Variants in PDIA3 observed in about 807,000 individuals in gnomAD.
PDIA3 encodes protein disulfide-isomerase A3.
A neutral mutation model predicts 56.9 loss-of-function variants in PDIA3; 16 were observed. The observed-to-expected ratio is 0.28, with a 90% confidence interval of 0.19 to 0.43. The LOEUF is 0.43. PDIA3 is among the 20% of genes least tolerant of loss of function. PDIA3 has a pLI of 1.00. For missense variants in PDIA3, 485 were observed against 621.3 expected (o/e 0.78, Z 2.33); for synonymous variants, 192 against 216.5 (o/e 0.89, Z 0.99).
rs149089784 is a variant in PDIA3, at chr15:43,765,565, A to G, written c.718A>G (p.Ile240Val). The G allele has an allele frequency of 9.4e-6, 14 of 1,496,398 alleles. No homozygotes were observed. Among genetic ancestry groups the G allele is most frequent in the Admixed American group, 3.4e-5 (2 of 59,138 alleles). 92.7% of individuals were successfully genotyped at this position (1,496,398 alleles called of 1,614,324 possible). Residue 240 changes from isoleucine to valine, a missense_variant and splice_region_variant, in exon 6 of 13, where the codon ATT becomes GTT. Ile to Val is a conservative substitution (Grantham distance 29). Coordinates refer to ENST00000300289, the MANE Select transcript of PDIA3 (RefSeq NM_005313.5). ...AATTAAAAAGTTTATCCAGGAAAAC[A>G]TGTGAGTACTTCTTTGTATCTTGTC... Reference protein sequence around the residue: ...GKIKKFIQENIFGICPHMTED... With the variant: ...GKIKKFIQENVFGICPHMTED...
chr15:43,767,643 A>T (rs1336839790), intron 8 of PDIA3, among the ~76,000 whole-genome samples: 1 of 151,014 alleles, frequency 6.6e-6, no homozygotes, highest in Non-Finnish European at 1.5e-5. Context: ...GACGGTGCGC[A>T]CCTGTAATTC....
intron 3 of PDIA3, among the ~76,000 whole-genome samples, chr15:43,759,024 C>T (rs956423255): frequency 1.3e-5 from 2 of 152,062 alleles, no homozygotes; most frequent in Admixed American, 6.6e-5. Flanking sequence ...GGCGTGGTGG[C>T]TCACGTCTGT....
intron 5 of PDIA3, 59 bp from the exon 6 acceptor site, chr15:43,765,391 A>T: frequency 1.1e-6 from 1 of 947,612 alleles, no homozygotes; most frequent in Non-Finnish European, 1.7e-6. Flanking sequence ...AAAAAAAAAA[A>T]GATGGGAGAC....
chr15:43,754,469 A>G (rs184559011), intron 2 of PDIA3, among the ~76,000 whole-genome samples: 72 of 151,994 alleles, frequency 4.7e-4, no homozygotes, highest in Admixed American at 1.7e-3. Context: ...TAGACCAGGT[A>G]TGGTGCCTCA....
chr15:43,757,284 T>C (rs1326945809), intron 3 of PDIA3, among the ~76,000 whole-genome samples: 6 of 151,600 alleles, frequency 4.0e-5, no homozygotes, highest in African/African-American at 1.5e-4. Flanking sequence ...CGGGGCCGGG[T>C]GCGGTGGCTC....
chr15:43,761,861 G>C (rs1596022736), intron 4 of PDIA3, among the ~76,000 whole-genome samples: 1 of 152,094 alleles, frequency 6.6e-6, no homozygotes, highest in East Asian at 1.9e-4. Flanking sequence ...AATATCTTCA[G>C]CGTTTTCTAA....
intron 11 of PDIA3, 68 bp from the exon 12 acceptor site, chr15:43,770,455 T>C (rs1030257817): frequency 6.9e-5 from 95 of 1,382,712 alleles, no homozygotes; most frequent in Non-Finnish European, 9.1e-5. Flanking sequence ...TGATTCCTTC[T>C]TGGCTTAAGA....
At chr15:43,766,650 C>T (rs1026841170) in intron 7 of PDIA3, 78 bp from the exon 8 acceptor site, 1 of 1,136,480 alleles carries the variant, frequency 8.8e-7, no homozygotes, top group Non-Finnish European at 1.3e-6. Flanking sequence ...CTTTGCTTTC[C>T]AATCACTTGC....
At position 43,769,609 on chromosome 15, in the gene PDIA3, A is replaced by G. The variant is rs752639585; in HGVS notation, c.1229A>G (p.Lys410Arg). Residue 410 changes from lysine to arginine, a missense_variant, in exon 10 of 13, where the codon AAG becomes AGG. Coordinates refer to ENST00000300289, the MANE Select transcript of PDIA3 (RefSeq NM_005313.5). ...TATGCCCCTTGGTGTGGTCACTGTA[A>G]GAACCTGGAGCCCAAGTATAAAGAA... is the stretch of plus-strand genomic sequence containing the variant. Reference protein sequence around the residue: ...EFYAPWCGHCKNLEPKYKELG... With the variant: ...EFYAPWCGHCRNLEPKYKELG... The G allele has an allele frequency of 6.2e-7, 1 of 1,613,940 alleles. No individual in the cohort carries two copies. Among genetic ancestry groups the G allele is most frequent in the Non-Finnish European group, 8.5e-7 (1 of 1,179,794 alleles).
intron 3 of PDIA3, among the ~76,000 whole-genome samples, chr15:43,760,112 G>T (rs1255782769): frequency 1.3e-5 from 2 of 151,090 alleles, no homozygotes; most frequent in East Asian, 3.9e-4. Context: ...ACAAAAAAAT[G>T]GTTTAACAAG....
chr15:43,770,113 G>A (rs779771792), intron 10 of PDIA3, 137 bp from the exon 11 acceptor site: 13 of 664,482 alleles, frequency 2.0e-5, no homozygotes, highest in East Asian at 5.5e-5. Context: ...GGAATTACAG[G>A]TGCGCACCAC....
chr15:43,753,022 A>G (rs1445329238), intron 1 of PDIA3: 3 of 376,624 alleles, frequency 8.0e-6, no homozygotes, highest in Non-Finnish European at 1.6e-5. Flanking sequence ...CAGGCCTGCC[A>G]TCTAAAAGAC....
intron 5 of PDIA3, 23 bp from the exon 6 acceptor site, chr15:43,765,427 G>T (rs1422042914): frequency 1.5e-6 from 2 of 1,325,108 alleles, no homozygotes. Context: ...TGCCTACTGA[G>T]ACTTTTCTTT....
chr15:43,760,334 T>G (rs1327919345), intron 3 of PDIA3, among the ~76,000 whole-genome samples: 2 of 149,398 alleles, frequency 1.3e-5, no homozygotes, highest in African/African-American at 5.0e-5. Flanking sequence ...GAGGCTGCAG[T>G]GAGCAATGAT....
intron 5 of PDIA3, among the ~76,000 whole-genome samples, chr15:43,765,096 A>C (rs1420925113): frequency 1.3e-5 from 2 of 152,182 alleles, no homozygotes; most frequent in African/African-American, 2.4e-5. Context: ...TGAGCTTTAC[A>C]TGAAACATGG....
At chr15:43,753,347 G>A (rs1454770308) in intron 1 of PDIA3, among the ~76,000 whole-genome samples, 1 of 152,106 alleles carries the variant, frequency 6.6e-6, no homozygotes, top group Non-Finnish European at 1.5e-5. Flanking sequence ...CAAAGTGCTG[G>A]GATTACAGGT....
intron 1 of PDIA3, among the ~76,000 whole-genome samples, chr15:43,749,784 T>G (rs2086731748): frequency 6.6e-6 from 1 of 151,872 alleles, no homozygotes; most frequent in Admixed American, 6.6e-5. Context: ...TACTAAAAAA[T>G]GACAAAAATT....
At position 43,771,413 on chromosome 15, in the gene PDIA3, T is replaced by C. The variant is rs1596026640; in HGVS notation, c.*195T>C. 4.8e-6 allele frequency: 2 copies of C among 417,038 alleles called. No individual in the cohort carries two copies. The highest frequency in any genetic ancestry group is 7.0e-5 in the East Asian group (2 of 28,746). 25.8% of individuals were successfully genotyped at this position (417,038 alleles called of 1,614,324 possible). ...GTTTATGGAAATACCAGGACCAGTT[T>C]ATGTTTGTGGTTTTGGGAAAAATTA... On this transcript the variant is annotated 3_prime_UTR_variant, in exon 13 of 13. Coordinates refer to ENST00000300289, the MANE Select transcript of PDIA3 (RefSeq NM_005313.5).
chr15:43,760,241 A>G (rs1382625409), intron 3 of PDIA3, among the ~76,000 whole-genome samples: 5 of 151,806 alleles, frequency 3.3e-5, no homozygotes, highest in African/African-American at 1.2e-4. Flanking sequence ...AATACAAAAA[A>G]CTAGCCAGGT....
Sources: gnomAD v4.1 joint callset for allele counts (sites outside exome capture counted in the v4.1 genomes callset) on GRCh38, gnomAD v4.1.1 for gene constraint, MANE v1.5 for transcripts, NCBI Gene and HGNC (gene_info 2026-07-23, HGNC 2026-07-21) for gene names.